The following UQCC1 variants were observed in gnomAD, a reference collection of about 807,000 sequenced individuals.
The protein encoded by UQCC1 is bFGF-repressed Zic-binding protein.
Under a neutral mutation model 48.0 loss-of-function variants are expected in UQCC1, and 38 were observed. The observed-to-expected ratio is 0.79, with a 90% confidence interval of 0.61 to 1.04. The LOEUF is 1.04. Among genes scored for constraint, UQCC1 ranks in the 50% least tolerant of loss-of-function variants. UQCC1 has a pLI of 0.00. For synonymous variants in UQCC1, 111 were observed against 129.2 expected, an observed-to-expected ratio of 0.86 and a Z score of 0.95; for missense variants, 368 against 381.8, an observed-to-expected ratio of 0.96 and a Z score of 0.30.
At chr20:35,395,296 T>TA (rs2062061085) in intron 1 of UQCC1, among the ~76,000 whole-genome samples, 1 of 152,074 alleles carries the variant, frequency 6.6e-6, no homozygotes. Context: ...AACCAGCCTC[T>TA]ACCCTCCAAG....
chr20:35,369,575 G>C (rs1018567442), intron 5 of UQCC1, among the ~76,000 whole-genome samples: 4 of 152,144 alleles, frequency 2.6e-5, no homozygotes, highest in Admixed American at 2.0e-4. Context: ...CAGACTGCCT[G>C]ATTCAATTCT....
At chr20:35,396,120 G>A (rs2062075223) in intron 1 of UQCC1, among the ~76,000 whole-genome samples, 1 of 151,464 alleles carries the variant, frequency 6.6e-6, no homozygotes, top group South Asian at 2.1e-4. Context: ...AAGTGGCTGG[G>A]ACTACAGGCA....
In UQCC1 at chr20:35,394,082, C is replaced by T; in HGVS notation, c.129+10G>A. On this transcript the variant is annotated intron_variant, in intron 2 of 9. Coordinates refer to ENST00000374385, the MANE Select transcript of UQCC1 (RefSeq NM_018244.5). ...GTTTTCATACTAAGCAAAAGAACAA[C>T]AAATCTTACCTGGGAAGTGCGAGAC... 6.2e-7 allele frequency: 1 copy of T among 1,610,680 alleles called. No homozygotes were observed. Among genetic ancestry groups the T allele is most frequent in the East Asian group, 2.2e-5 (1 of 44,852 alleles).
At chr20:35,314,300 C>CA (rs111291087) in intron 8 of UQCC1, among the ~76,000 whole-genome samples, 3,393 of 129,202 alleles carry the variant, frequency 0.026, 108 homozygotes, top group African/African-American at 0.083. Flanking sequence ...ATAATTAAAG[C>CA]AAAAAAAAAA....
At chr20:35,331,043 A>C (rs1392980808) in intron 7 of UQCC1, among the ~76,000 whole-genome samples, 2 of 152,194 alleles carry the variant, frequency 1.3e-5, no homozygotes, top group African/African-American at 4.8e-5. Flanking sequence ...GTATAGCCAC[A>C]AACACCTATC....
chr20:35,347,364 T>A lies in UQCC1; in HGVS notation c.465-92A>T, dbSNP rs531041782. On this transcript the variant is annotated intron_variant, in intron 6 of 9. Transcript: ENST00000374385. The stretch of plus-strand genomic sequence containing the variant: ...AGGTCTCCTCATCTAAGAGTGAGTT[T>A]AGCAAAGGGCACCAAATCAAACTGG... 48 of 1,489,748 alleles carry A rather than the reference T, an allele frequency of 3.2e-5. 1 individual carries two copies. In the South Asian group the frequency reaches 5.3e-4, roughly 16 times the overall value. The allele number at this position is 1,489,748 out of a possible 1,614,324, so 92.3% of individuals were successfully genotyped here. A position where few individuals can be genotyped will look rare whatever the true frequency, so the allele number is the denominator to read the frequency against.
At chr20:35,347,076 A>G in intron 7 of UQCC1, 88 bp downstream of exon 7, 3 of 1,613,888 alleles carry the variant, frequency 1.9e-6, no homozygotes, top group Non-Finnish European at 2.5e-6. Context: ...GAAATCTAAA[A>G]GCAGGGCCAT....
Position 35,390,561 on chromosome 20 carries a change from A to G in UQCC1, c.129+3531T>C, listed in dbSNP as rs182981121. 1.1e-4 allele frequency among the ~76,000 whole-genome samples: 17 copies of G among 152,306 alleles called. No individual in the cohort carries two copies. The East Asian group carries it at 2.9e-3, about 26-fold the overall frequency. On this transcript the variant is annotated intron_variant, in intron 2 of 9. Transcript: ENST00000374385. ...ACAATGTGAATATGCTTAAATTAAC[A>G]TTACTGAACTGTACACTTATAATGG... is the stretch of plus-strand genomic sequence containing the variant.
chr20:35,304,086 G>C lies in UQCC1; in HGVS notation c.766-17C>G, dbSNP rs376785925. 5.6e-6 allele frequency: 9 copies of C among 1,613,784 alleles called. No individual in the cohort carries two copies. The highest frequency in any genetic ancestry group is 3.3e-5 in the Admixed American group (2 of 60,000). ...GTACTGTATCTGCAACCAGGGGAGG[G>C]GGAAGGAGGAAGCGACAGAGGCAGG... On this transcript the variant is annotated splice_polypyrimidine_tract_variant and intron_variant, in intron 9 of 9. Coordinates refer to ENST00000374385, the MANE Select transcript of UQCC1 (RefSeq NM_018244.5).
At chr20:35,374,323 G>A in intron 4 of UQCC1, 67 bp from the exon 5 acceptor site, 1 of 1,221,944 alleles carries the variant, frequency 8.2e-7, no homozygotes, top group Non-Finnish European at 1.2e-6. Flanking sequence ...CATTAGACAT[G>A]GGTCACAAAA....
chr20:35,354,363 T>C (rs918051433), intron 6 of UQCC1, among the ~76,000 whole-genome samples: 4 of 151,922 alleles, frequency 2.6e-5, no homozygotes, highest in African/African-American at 9.7e-5. Flanking sequence ...AAGACATGGA[T>C]TGACACCTGA....
At chr20:35,374,300 G>T in intron 4 of UQCC1, 44 bp from the exon 5 acceptor site, 1 of 1,471,074 alleles carries the variant, frequency 6.8e-7, no homozygotes, top group Non-Finnish European at 9.4e-7. Flanking sequence ...TGACCAAGTG[G>T]ATGTTCTACT....
intron 6 of UQCC1, among the ~76,000 whole-genome samples, chr20:35,360,891 T>C (rs1352132025): frequency 6.6e-6 from 1 of 151,858 alleles, no homozygotes; most frequent in Non-Finnish European, 1.5e-5. Context: ...GACCACCAAA[T>C]AGGACAATCA....
At chr20:35,395,159 C>A (rs1032648233) in intron 1 of UQCC1, among the ~76,000 whole-genome samples, 2 of 152,142 alleles carry the variant, frequency 1.3e-5, no homozygotes, top group Admixed American at 1.3e-4. Flanking sequence ...ATTACGTAGA[C>A]ATGATTGATT....
chr20:35,338,177 T>C (rs930722863), intron 7 of UQCC1, among the ~76,000 whole-genome samples: 17 of 152,080 alleles, frequency 1.1e-4, no homozygotes, highest in East Asian at 1.9e-4. Context: ...GTCTTTTTTT[T>C]CCCCCTTAAT....
chr20:35,345,845 C>T (rs906354686), intron 7 of UQCC1: 7 of 152,138 alleles, frequency 4.6e-5, no homozygotes, highest in African/African-American at 1.2e-4. Context: ...CAAATTAACC[C>T]ATTTCATGAC....
intron 2 of UQCC1, among the ~76,000 whole-genome samples, chr20:35,384,902 G>C (rs1194739050): frequency 6.9e-6 from 1 of 144,170 alleles, no homozygotes; most frequent in African/African-American, 2.6e-5. Flanking sequence ...AGGAGGCAAA[G>C]GTTGCAGTGA....
chr20:35,395,062 G>A (rs1362171040), intron 1 of UQCC1, among the ~76,000 whole-genome samples: 1 of 151,964 alleles, frequency 6.6e-6, no homozygotes, highest in Non-Finnish European at 1.5e-5. Flanking sequence ...GTGGGAGCTT[G>A]CTCTCCGGGT....
intron 7 of UQCC1, among the ~76,000 whole-genome samples, chr20:35,324,254 T>A (rs987237391): frequency 6.6e-6 from 1 of 152,234 alleles, no homozygotes; most frequent in Non-Finnish European, 1.5e-5. Context: ...ATCCTTTGTT[T>A]GCTTAAATTA....
Sources: gnomAD v4.1 joint callset for allele counts (sites outside exome capture counted in the v4.1 genomes callset) on GRCh38, gnomAD v4.1.1 for gene constraint, MANE v1.5 for transcripts, NCBI Gene and HGNC (gene_info 2026-07-23, HGNC 2026-07-21) for gene names.